Variants in RBX1 observed in about 807,000 individuals in gnomAD.
RBX1 encodes the protein ring-box 1, also known as E3 ubiquitin-protein ligase RBX1.
For synonymous variants in RBX1, 48 were observed against 47.9 expected (o/e 1.00, Z -0.01); for missense variants, 46 against 141.4 (o/e 0.33, Z 3.42).
chr22:40,972,496 C>T lies in RBX1; in HGVS notation c.*8C>T, dbSNP rs1401030900. The T allele has an allele frequency of 1.3e-6, 2 of 1,598,700 alleles. No homozygotes were observed. Among genetic ancestry groups the T allele is most frequent in the East Asian group, 4.5e-5 (2 of 44,794 alleles). On this transcript the variant is annotated 3_prime_UTR_variant, in exon 5 of 5. Coordinates refer to ENST00000216225, the MANE Select transcript of RBX1 (RefSeq NM_014248.4). ...TTCAGGTATGGGCACTAGGAAAAGA[C>T]TTCTTCCATCAAGCTTAATTGTTTT... is the stretch of plus-strand genomic sequence containing the variant.
chr22:40,968,473 A>G (rs1476643802), intron 4 of RBX1, among the ~76,000 whole-genome samples: 2 of 152,134 alleles, frequency 1.3e-5, no homozygotes, highest in African/African-American at 4.8e-5. Context: ...TTACATCCTA[A>G]TGAGGCTCCA....
Position 40,972,625 on chromosome 22 carries a change from T to A in RBX1, c.*137T>A, listed in dbSNP as rs1470721275. ...TCAGTTTGCTGTTTCTGTAGCCATA[T>A]TGTATTCTGTGTCAAATAAAGTCCA... On this transcript the variant is annotated 3_prime_UTR_variant, in exon 5 of 5. Coordinates refer to ENST00000216225, the MANE Select transcript of RBX1 (RefSeq NM_014248.4). The A allele has an allele frequency of 1.4e-6, 1 of 691,706 alleles. No homozygotes were observed. The highest frequency in any genetic ancestry group is 1.8e-5 in the African/African-American group (1 of 56,046). 42.8% of individuals were successfully genotyped at this position (691,706 alleles called of 1,614,324 possible).
intron 4 of RBX1, among the ~76,000 whole-genome samples, chr22:40,971,579 A>C (rs901384850): frequency 6.6e-6 from 1 of 152,118 alleles, no homozygotes; most frequent in Non-Finnish European, 1.5e-5. Flanking sequence ...TTTTTGAGAC[A>C]GAGTCTCACT....
chr22:40,961,459 G>A (rs939448192), intron 2 of RBX1, among the ~76,000 whole-genome samples: 1 of 151,704 alleles, frequency 6.6e-6, no homozygotes, highest in African/African-American at 2.4e-5. Context: ...TGTTACCCAG[G>A]CTGGAGCGCA....
At chr22:40,961,961 T>C (rs2058341724) in intron 2 of RBX1, among the ~76,000 whole-genome samples, 1 of 152,244 alleles carries the variant, frequency 6.6e-6, no homozygotes, top group East Asian at 1.9e-4. Context: ...ATTTTTGCCT[T>C]CTTAGTAGAG....
At chr22:40,967,994 G>T in intron 4 of RBX1, 110 bp downstream of exon 4, 51 of 545,436 alleles carry the variant, frequency 9.4e-5, no homozygotes, top group Non-Finnish European at 1.2e-4. Context: ...TTTAAAACTA[G>T]TTTTTGGTTA....
intron 2 of RBX1, among the ~76,000 whole-genome samples, chr22:40,957,859 ACT>A (rs2058329862): frequency 1.3e-5 from 2 of 150,860 alleles, no homozygotes. Flanking sequence ...GGAGTCTCAC[ACT>A]GTCACCCAGC....
Position 40,972,659 on chromosome 22 carries a change from C to T in RBX1, c.*171C>T. On this transcript the variant is annotated 3_prime_UTR_variant, in exon 5 of 5. Transcript: ENST00000216225. Reference sequence around the variant, plus strand: ...GTGTCAAATAAAGTCCAGTTGGATTCTGGAACGGATGCTCTCTCTTGTGTA... The same window carrying T: ...GTGTCAAATAAAGTCCAGTTGGATTTTGGAACGGATGCTCTCTCTTGTGTA... 1.7e-6 allele frequency: 1 copy of T among 588,520 alleles called. No homozygotes were observed. Among genetic ancestry groups the T allele is most frequent in the Non-Finnish European group, 3.1e-6 (1 of 326,186 alleles). The allele number at this position is 588,520 out of a possible 1,614,324, so 36.5% of individuals were successfully genotyped here.
At chr22:40,967,765 A>T (rs2058358115) in intron 3 of RBX1, 34 bp from the exon 4 acceptor site, 9 of 1,579,034 alleles carry the variant, frequency 5.7e-6, no homozygotes, top group Non-Finnish European at 7.8e-6. Flanking sequence ...GCCTGCATAG[A>T]GTTATTTTTA....
intron 4 of RBX1, among the ~76,000 whole-genome samples, chr22:40,970,938 A>G (rs1415887955): frequency 6.6e-6 from 1 of 152,212 alleles, no homozygotes; most frequent in Non-Finnish European, 1.5e-5. Context: ...AGCAAAATAT[A>G]TGCTAAGTAC....
chr22:40,962,908 G>A (rs2058345117), intron 2 of RBX1, among the ~76,000 whole-genome samples: 1 of 147,740 alleles, frequency 6.8e-6, no homozygotes, highest in Non-Finnish European at 1.5e-5. Flanking sequence ...ATGTTGGCCA[G>A]GATGGTCTCA....
At chr22:40,970,444 A>G (rs1468221404) in intron 4 of RBX1, among the ~76,000 whole-genome samples, 1 of 151,970 alleles carries the variant, frequency 6.6e-6, no homozygotes, top group East Asian at 1.9e-4. Context: ...TACTCCCTCC[A>G]AACAGTGAAG....
intron 2 of RBX1, among the ~76,000 whole-genome samples, chr22:40,954,999 C>G (rs148019255): frequency 0.028 from 4,262 of 151,908 alleles, 191 homozygotes; most frequent in African/African-American, 0.096. Flanking sequence ...GTTGGCCAGG[C>G]TGGCCTCGAA....
At chr22:40,961,974 G>C (rs1157084395) in intron 2 of RBX1, among the ~76,000 whole-genome samples, 1 of 151,958 alleles carries the variant, frequency 6.6e-6, no homozygotes, top group East Asian at 1.9e-4. Context: ...TAGTAGAGAG[G>C]GGGTTTTGCC....
In RBX1 at chr22:40,959,134, T is replaced by C. The variant is rs555086817; in HGVS notation, c.158-4913T>C. Among the ~76,000 whole-genome samples, 4 of 152,252 alleles carry C rather than the reference T, an allele frequency of 2.6e-5. No individual in the cohort carries two copies. In the South Asian group the frequency reaches 8.3e-4, roughly 32 times the overall value. ...CCCGGCCCCGTCAGTGTTTTGAAAG[T>C]GTAATCTGTCTACTCTTGAGATGAA... On this transcript the variant is annotated intron_variant, in intron 2 of 4. Transcript: ENST00000216225.
chr22:40,972,575 CTG>C lies in RBX1; in HGVS notation c.*91_*92del, dbSNP rs1555894934. 1 of 1,126,834 alleles carries C rather than the reference CTG, an allele frequency of 8.9e-7. No homozygotes were observed. Among genetic ancestry groups the C allele is most frequent in the Non-Finnish European group, 1.3e-6 (1 of 749,196 alleles). The allele number at this position is 1,126,834 out of a possible 1,614,324, so 69.8% of individuals were successfully genotyped here. A position where few individuals can be genotyped will look rare whatever the true frequency, so the allele number is the denominator to read the frequency against. On this transcript the variant is annotated 3_prime_UTR_variant, in exon 5 of 5. Coordinates refer to ENST00000216225, the MANE Select transcript of RBX1 (RefSeq NM_014248.4). ...TTACCTAATTACAAATTGGATGGAA[CTG>C]TGTTTTTTTCTGCTTTGTTTTTTCA...
Position 40,960,761 on chromosome 22 carries a change from T to A in RBX1, c.158-3286T>A, listed in dbSNP as rs541332003. ...ATACACTGCATAGACCCTAGATCCCTTTTTTGTTTGTTTTTAAGATGGAGT... is the reference window on the plus strand; with the variant it reads ...ATACACTGCATAGACCCTAGATCCCATTTTTGTTTGTTTTTAAGATGGAGT... On this transcript the variant is annotated intron_variant, in intron 2 of 4. Coordinates refer to ENST00000216225, the MANE Select transcript of RBX1 (RefSeq NM_014248.4). Among the ~76,000 whole-genome samples the A allele has an allele frequency of 2.7e-3, 411 of 152,246 alleles. 4 individuals are homozygous for A. The highest frequency in any genetic ancestry group is 4.8e-3 in the Non-Finnish European group (329 of 68,010).
At chr22:40,966,742 C>T (rs2058355414) in intron 3 of RBX1, 1 of 152,068 alleles carries the variant, frequency 6.6e-6, no homozygotes, top group Admixed American at 6.6e-5. Flanking sequence ...ACGTACCGAC[C>T]AGATTTCAGT....
intron 2 of RBX1, among the ~76,000 whole-genome samples, chr22:40,954,759 A>T (rs1601534032): frequency 6.8e-6 from 1 of 147,138 alleles, no homozygotes; most frequent in African/African-American, 2.5e-5. Context: ...TTAACTGACC[A>T]CGGTGGCCAA....
Sources: gnomAD v4.1 joint callset for allele counts (sites outside exome capture counted in the v4.1 genomes callset) on GRCh38, gnomAD v4.1.1 for gene constraint, MANE v1.5 for transcripts, NCBI Gene and HGNC (gene_info 2026-07-23, HGNC 2026-07-21) for gene names.